The following AGBL4 variants were observed in gnomAD, a reference collection of about 807,000 sequenced individuals.
AGBL4 encodes the protein cytosolic carboxypeptidase 6.
A neutral mutation model predicts 66.4 loss-of-function variants in AGBL4; 58 were observed. That is an observed-to-expected ratio of 0.87 (90% confidence interval 0.71 to 1.09). The LOEUF (loss-of-function observed/expected upper bound fraction) is 1.09. Among genes scored for constraint, AGBL4 ranks in the 50% least tolerant of loss-of-function variants. AGBL4 has a pLI of 0.00. For synonymous variants in AGBL4, 234 were observed against 222.9 expected, an observed-to-expected ratio of 1.05 and a Z score of -0.44; for missense variants, 579 against 631.0, an observed-to-expected ratio of 0.92 and a Z score of 0.88.
At chr1:49,964,535 T>G (rs1331727606) in intron 1 of AGBL4, among the ~76,000 whole-genome samples, 3 of 152,190 alleles carry the variant, frequency 2.0e-5, no homozygotes, top group Non-Finnish European at 2.9e-5. Flanking sequence ...TAATCATTGA[T>G]GTCAGGATTG....
intron 9 of AGBL4, among the ~76,000 whole-genome samples, chr1:48,630,672 A>T (rs944658510): frequency 2.0e-5 from 3 of 152,210 alleles, no homozygotes; most frequent in Non-Finnish European, 2.9e-5. Context: ...CAGGCACCAG[A>T]GGGGTCTCTC....
intron 8 of AGBL4, among the ~76,000 whole-genome samples, chr1:48,642,103 C>A (rs1645765698): frequency 6.6e-6 from 1 of 152,090 alleles, no homozygotes; most frequent in African/African-American, 2.4e-5. Context: ...AGTCATAGCC[C>A]ATAGCCCCCA....
chr1:48,917,185 T>C (rs1349948581), intron 5 of AGBL4, among the ~76,000 whole-genome samples: 1 of 151,988 alleles, frequency 6.6e-6, no homozygotes, highest in East Asian at 1.9e-4. Flanking sequence ...GACCAAGAGG[T>C]CACATATTTG....
intron 3 of AGBL4, among the ~76,000 whole-genome samples, chr1:49,335,152 C>A (rs987725716): frequency 6.6e-6 from 1 of 152,202 alleles, no homozygotes; most frequent in East Asian, 1.9e-4. Context: ...TCTCCCACAG[C>A]CTTCTCCATT....
At chr1:49,307,385 G>A (rs1644866340) in intron 3 of AGBL4, among the ~76,000 whole-genome samples, 2 of 152,146 alleles carry the variant, frequency 1.3e-5, no homozygotes, top group Non-Finnish European at 2.9e-5. Context: ...TCTTTGGAGA[G>A]GAAGAGATCT....
rs763897262 is a variant in AGBL4 at position 48,762,656 on chromosome 1, G to GTGTGTGTGTGTA, written c.635-99416_635-99415insTACACACACACA. 1.5e-3 allele frequency among the ~76,000 whole-genome samples: 204 copies of GTGTGTGTGTGTA among 138,712 alleles called. No individual in the cohort carries two copies. The Middle Eastern group carries it at 0.034, about 23-fold the overall frequency. The allele number at this position is 138,712 out of a possible 152,430, so 91.0% of individuals were successfully genotyped here. On this transcript the variant is annotated intron_variant, in intron 6 of 13. Coordinates refer to ENST00000371839, the MANE Select transcript of AGBL4 (RefSeq NM_032785.4). ...TGTGTGTGTGTGTGTGTGTGTGTGT[G>GTGTGTGTGTGTA]TGTATGTATTTGCATGTGTTAAACA...
intron 6 of AGBL4, among the ~76,000 whole-genome samples, chr1:48,666,756 G>A (rs1050199784): frequency 6.6e-6 from 1 of 152,208 alleles, no homozygotes; most frequent in East Asian, 1.9e-4. Flanking sequence ...TCCAGAAACT[G>A]TGTTCCTAAC....
At chr1:49,595,258 T>A (rs905266464) in intron 3 of AGBL4, among the ~76,000 whole-genome samples, 14 of 152,008 alleles carry the variant, frequency 9.2e-5, no homozygotes, top group African/African-American at 3.4e-4. Flanking sequence ...CCAGCCAATT[T>A]TTTTGTATTT....
At chr1:49,238,175 T>C (rs959126215) in intron 4 of AGBL4, among the ~76,000 whole-genome samples, 1 of 152,190 alleles carries the variant, frequency 6.6e-6, no homozygotes, top group Non-Finnish European at 1.5e-5. Flanking sequence ...GCATGGATTT[T>C]CTGTTTGAGG....
intron 3 of AGBL4, among the ~76,000 whole-genome samples, chr1:49,473,817 A>AG (rs1306596587): frequency 1.3e-5 from 2 of 152,066 alleles, no homozygotes; most frequent in Non-Finnish European, 2.9e-5. Flanking sequence ...ATGTAGTGAA[A>AG]GGCAAGGGTC....
At chr1:49,803,225 A>C (rs1279112164) in intron 2 of AGBL4, among the ~76,000 whole-genome samples, 1 of 151,930 alleles carries the variant, frequency 6.6e-6, no homozygotes, top group Non-Finnish European at 1.5e-5. Flanking sequence ...CTTCCTTTTA[A>C]TCCTAACAAG....
At chr1:49,574,781 G>T (rs1644402384) in intron 3 of AGBL4, among the ~76,000 whole-genome samples, 1 of 152,056 alleles carries the variant, frequency 6.6e-6, no homozygotes, top group Non-Finnish European at 1.5e-5. Context: ...GTGGCAAACA[G>T]AATAGTCTGA....
intron 1 of AGBL4, among the ~76,000 whole-genome samples, chr1:49,939,782 T>C (rs1008398952): frequency 6.6e-6 from 1 of 152,158 alleles, no homozygotes; most frequent in Non-Finnish European, 1.5e-5. Flanking sequence ...ATTCAGGACA[T>C]AGGCATGGGC....
At position 49,558,525 on chromosome 1, in the gene AGBL4, G is replaced by C. The variant is rs558580392; in HGVS notation, c.282+138788C>G. 2.4e-4 allele frequency among the ~76,000 whole-genome samples: 36 copies of C among 152,230 alleles called. 1 individual carries two copies. The South Asian group carries it at 7.3e-3, about 31-fold the overall frequency. On this transcript the variant is annotated intron_variant, in intron 3 of 13. Coordinates refer to ENST00000371839, the MANE Select transcript of AGBL4 (RefSeq NM_032785.4). ...CCAGCTAATTTCTGTATTTTTAGTAGAGATGGGGTTTCACCATGTTGGCCA... is the reference window on the plus strand; with the variant it reads ...CCAGCTAATTTCTGTATTTTTAGTACAGATGGGGTTTCACCATGTTGGCCA...
At chr1:48,956,669 ATACT>A (rs926927187) in intron 5 of AGBL4, among the ~76,000 whole-genome samples, 1 of 152,174 alleles carries the variant, frequency 6.6e-6, no homozygotes, top group African/African-American at 2.4e-5. Context: ...ACATTTACTA[ATACT>A]TACTCAACTA....
intron 3 of AGBL4, among the ~76,000 whole-genome samples, chr1:49,346,215 G>T (rs569327652): frequency 1.3e-5 from 2 of 152,232 alleles, no homozygotes; most frequent in African/African-American, 4.8e-5. Context: ...GTTATACCTA[G>T]TATTAGATTC....
intron 6 of AGBL4, among the ~76,000 whole-genome samples, chr1:48,846,327 G>T (rs1261775957): frequency 6.8e-6 from 1 of 146,336 alleles, no homozygotes; most frequent in Non-Finnish European, 1.5e-5. Context: ...TAGATAGATC[G>T]ATAGATAAGA....
intron 5 of AGBL4, among the ~76,000 whole-genome samples, chr1:49,039,211 A>C (rs933399862): frequency 2.0e-5 from 3 of 152,124 alleles, no homozygotes; most frequent in African/African-American, 7.2e-5. Context: ...GGTGAGGTAC[A>C]GATGATTTTT....
intron 6 of AGBL4, among the ~76,000 whole-genome samples, chr1:48,717,350 T>C (rs888404231): frequency 6.6e-6 from 1 of 152,254 alleles, no homozygotes; most frequent in Non-Finnish European, 1.5e-5. Flanking sequence ...TAATAGGTTT[T>C]GCACATTTAA....
Sources: allele counts gnomAD v4.1 joint callset (sites outside exome capture counted in the v4.1 genomes callset), GRCh38; gene constraint gnomAD v4.1.1; transcripts MANE v1.5; gene names NCBI Gene and HGNC (gene_info 2026-07-23, HGNC 2026-07-21).